ATP10A: variants seen among roughly 807,000 people sequenced by gnomAD.
ATP10A encodes phospholipid-transporting ATPase VA.
ATP10A carries 111 observed loss-of-function variants against 147.8 expected under a neutral mutation model. The ratio of observed to expected loss-of-function variants is 0.75; its 90% CI spans 0.64 to 0.88. The LOEUF is 0.88. Ranked by LOEUF, ATP10A falls within the 40% of genes least tolerant of loss-of-function variation. The pLI is 0.00. For synonymous variants in ATP10A, 875 were observed against 841.6 expected (o/e 1.04, Z -0.69); for missense variants, 1,927 against 1,959.0 (o/e 0.98, Z 0.31).
chr15:25,757,234 AAAACAATT>A (rs1408549990), intron 2 of ATP10A, among the ~76,000 whole-genome samples: 1 of 152,178 alleles, frequency 6.6e-6, no homozygotes, highest in African/African-American at 2.4e-5. Flanking sequence ...TAGTAAACAT[AAAACAATT>A]GTTCTGTGAG....
At chr15:25,764,465 C>A (rs867895359) in intron 2 of ATP10A, among the ~76,000 whole-genome samples, 1 of 152,116 alleles carries the variant, frequency 6.6e-6, no homozygotes, top group South Asian at 2.1e-4. Context: ...TGGAGCCTCA[C>A]GAGTGGGATT....
chr15:25,706,647 G>T (rs996913092), intron 12 of ATP10A, among the ~76,000 whole-genome samples: 2 of 152,192 alleles, frequency 1.3e-5, no homozygotes, highest in Admixed American at 1.3e-4. Context: ...AATAGTCAAG[G>T]TTTCATCATG....
intron 1 of ATP10A, among the ~76,000 whole-genome samples, chr15:25,800,161 T>C (rs778287669): frequency 7.2e-5 from 11 of 152,188 alleles, no homozygotes; most frequent in Non-Finnish European, 1.5e-4. Context: ...TAATGCAATA[T>C]CTTTTACAAA....
chr15:25,815,107 A>T (rs1891594182), intron 1 of ATP10A, among the ~76,000 whole-genome samples: 1 of 152,140 alleles, frequency 6.6e-6, no homozygotes, highest in African/African-American at 2.4e-5. Context: ...TCCATCCCCT[A>T]CTACCAGGTC....
chr15:25,815,913 G>T (rs910531635), intron 1 of ATP10A, among the ~76,000 whole-genome samples: 6 of 151,824 alleles, frequency 4.0e-5, no homozygotes. Context: ...AGGAAATTTT[G>T]CCTAACTCTA....
chr15:25,854,123 T>A (rs1893407490), intron 1 of ATP10A, among the ~76,000 whole-genome samples: 2 of 152,168 alleles, frequency 1.3e-5, no homozygotes, highest in African/African-American at 4.8e-5. Context: ...AAGTGGTTGG[T>A]TCTAGAGCTG....
intron 13 of ATP10A, among the ~76,000 whole-genome samples, chr15:25,700,718 G>A (rs1900611032): frequency 6.6e-6 from 1 of 152,128 alleles, no homozygotes; most frequent in African/African-American, 2.4e-5. Flanking sequence ...CAGACTTTCT[G>A]GGGATGATGG....
At chr15:25,733,517 C>G (rs1314265118) in intron 3 of ATP10A, among the ~76,000 whole-genome samples, 2 of 152,164 alleles carry the variant, frequency 1.3e-5, no homozygotes, top group East Asian at 3.9e-4. Flanking sequence ...TGGTCGTGCC[C>G]CACAGTCACG....
At chr15:25,864,602 A>C (rs999350852), upstream of ATP10A, among the ~76,000 whole-genome samples, 3 of 152,224 alleles carry the variant, frequency 2.0e-5, no homozygotes, top group Admixed American at 1.3e-4. Flanking sequence ...TAGAAGGTAG[A>C]GTGGTGACAG....
chr15:25,756,697 T>C (rs528559523), intron 2 of ATP10A, among the ~76,000 whole-genome samples: 15 of 152,276 alleles, frequency 9.9e-5, no homozygotes, highest in African/African-American at 3.6e-4. Context: ...AAATCAAACA[T>C]TCTATCTGAA....
chr15:25,676,827 T>A (rs1456288289), downstream of ATP10A, among the ~76,000 whole-genome samples: 1 of 152,196 alleles, frequency 6.6e-6, no homozygotes, highest in Non-Finnish European at 1.5e-5. Flanking sequence ...TGCCTTCTTT[T>A]GAAGAATGCA....
At chr15:25,708,167 G>A (rs772383675) in intron 11 of ATP10A, 30 bp downstream of exon 11, 11 of 1,613,802 alleles carry the variant, frequency 6.8e-6, no homozygotes, top group East Asian at 2.2e-5. Context: ...CCACCTGCAC[G>A]TGCACCCTCG....
At chr15:25,777,351 C>T (rs565105947) in intron 2 of ATP10A, among the ~76,000 whole-genome samples, 67 of 152,222 alleles carry the variant, frequency 4.4e-4, no homozygotes, top group African/African-American at 1.6e-3. Flanking sequence ...GCTCCAGCAG[C>T]GTCCAGCAAC....
chr15:25,798,740 A>T (rs1334811607), intron 1 of ATP10A, among the ~76,000 whole-genome samples: 3 of 152,174 alleles, frequency 2.0e-5, no homozygotes, highest in East Asian at 3.9e-4. Context: ...ATCCTCAGAC[A>T]CTGAGAGGGA....
At chr15:25,718,605 C>T (rs1434398010) in intron 7 of ATP10A, among the ~76,000 whole-genome samples, 1 of 152,174 alleles carries the variant, frequency 6.6e-6, no homozygotes, top group African/African-American at 2.4e-5. Context: ...CTCTGTTTCA[C>T]AGAGACTGAC....
At chr15:25,851,235 G>A (rs8039677) in intron 1 of ATP10A, among the ~76,000 whole-genome samples, 23,295 of 151,948 alleles carry the variant, frequency 0.15, 2,647 homozygotes, top group African/African-American at 0.31. Flanking sequence ...TACTATGCAA[G>A]AGCTCACGGG....
intron 1 of ATP10A, among the ~76,000 whole-genome samples, chr15:25,860,283 C>T (rs1163810168): frequency 2.6e-5 from 4 of 152,204 alleles, no homozygotes; most frequent in African/African-American, 9.6e-5. Context: ...TTTCCTGATC[C>T]TCACACCACC....
chr15:25,688,072 T>C, intron 15 of ATP10A: 3 of 535,616 alleles, frequency 5.6e-6, no homozygotes, highest in Non-Finnish European at 6.8e-6. Flanking sequence ...ATTTACGCTT[T>C]CAAATATGTG....
At chr15:25,681,406 A>G (rs1899401882) in intron 17 of ATP10A, among the ~76,000 whole-genome samples, 1 of 152,122 alleles carries the variant, frequency 6.6e-6, no homozygotes, top group Non-Finnish European at 1.5e-5. Flanking sequence ...TTTTCCTTTA[A>G]ATACATTTGT....
Sources: allele counts gnomAD v4.1 joint callset (sites outside exome capture counted in the v4.1 genomes callset), GRCh38; gene constraint gnomAD v4.1.1; transcripts MANE v1.5; gene names NCBI Gene and HGNC (gene_info 2026-07-23, HGNC 2026-07-21).